The following CNTNAP2 variants were observed in gnomAD, a reference collection of about 807,000 sequenced individuals.
CNTNAP2 encodes the protein contactin associated protein 2, also known as contactin-associated protein-like 2.
In CNTNAP2, 98 loss-of-function variants were observed where a neutral mutation model predicts 155.2. The observed-to-expected ratio is 0.63, with a 90% CI of 0.54 to 0.75. CNTNAP2 has a LOEUF of 0.75. Among genes scored for constraint, CNTNAP2 ranks in the 30% least tolerant of loss-of-function variants. The pLI, the probability that CNTNAP2 is intolerant of heterozygous loss-of-function variation, is 0.00. For missense variants in CNTNAP2, 1,727 were observed against 1,688.1 expected (o/e 1.02, Z -0.40); for synonymous variants, 651 against 631.2 (o/e 1.03, Z -0.47).
chr7:148,041,937 A>G (rs1021307589), intron 15 of CNTNAP2, among the ~76,000 whole-genome samples: 9 of 152,202 alleles, frequency 5.9e-5, no homozygotes, highest in Non-Finnish European at 1.0e-4. Context: ...GGCATTCTGG[A>G]GTGAGCTGCA....
chr7:146,159,218 C>T (rs1350227017), intron 1 of CNTNAP2, among the ~76,000 whole-genome samples: 1 of 152,174 alleles, frequency 6.6e-6, no homozygotes, highest in Admixed American at 6.5e-5. Flanking sequence ...CCAGGCCTGC[C>T]TTACAAGAGC....
intron 2 of CNTNAP2, among the ~76,000 whole-genome samples, chr7:146,824,841 T>G (rs1201966396): frequency 1.4e-5 from 2 of 146,424 alleles, no homozygotes; most frequent in South Asian, 2.2e-4. Flanking sequence ...CTTATTAAGG[T>G]GTACAAAGAA....
intron 21 of CNTNAP2, among the ~76,000 whole-genome samples, chr7:148,281,331 A>T (rs1796970821): frequency 6.6e-6 from 1 of 152,234 alleles, no homozygotes; most frequent in Non-Finnish European, 1.5e-5. Flanking sequence ...CTTGTGATTT[A>T]TCTCTACCTC....
intron 1 of CNTNAP2, among the ~76,000 whole-genome samples, chr7:146,334,895 A>G (rs113350567): frequency 0.03 from 4,591 of 152,194 alleles, 232 homozygotes; most frequent in African/African-American, 0.1. Context: ...CACCTTTTCT[A>G]TTCTTGCACC....
intron 11 of CNTNAP2, among the ~76,000 whole-genome samples, chr7:147,517,888 C>A (rs1487279980): frequency 6.6e-6 from 1 of 152,144 alleles, no homozygotes; most frequent in Non-Finnish European, 1.5e-5. Context: ...TAAGAACCAT[C>A]CATTGCGTCA....
intron 12 of CNTNAP2, among the ~76,000 whole-genome samples, chr7:147,615,277 C>CAAAAA (rs58247626): frequency 5.7e-4 from 16 of 28,048 alleles, no homozygotes; most frequent in Admixed American, 7.8e-4. Flanking sequence ...GACCCTGTCT[C>CAAAAA]AAAAAAAAAA....
intron 9 of CNTNAP2, among the ~76,000 whole-genome samples, chr7:147,348,275 C>A: frequency 6.6e-6 from 1 of 151,082 alleles, no homozygotes; most frequent in Non-Finnish European, 1.5e-5. Flanking sequence ...GATTAATATC[C>A]AGAATATACA....
chr7:147,547,589 G>A (rs1799762961), intron 11 of CNTNAP2, among the ~76,000 whole-genome samples: 1 of 151,102 alleles, frequency 6.6e-6, no homozygotes, highest in South Asian at 2.1e-4. Context: ...CTTTGTTTTT[G>A]TTTTTATTTT....
intron 20 of CNTNAP2, among the ~76,000 whole-genome samples, chr7:148,256,632 C>G (rs938258304): frequency 1.9e-4 from 29 of 152,260 alleles, no homozygotes; most frequent in Middle Eastern, 3.4e-3. Flanking sequence ...TTTTTGCCTT[C>G]TCACAGTCAG....
At chr7:148,354,102 G>A (rs1798472040) in intron 21 of CNTNAP2, among the ~76,000 whole-genome samples, 1 of 150,604 alleles carries the variant, frequency 6.6e-6, no homozygotes, top group Non-Finnish European at 1.5e-5. Flanking sequence ...ATAACTGCCT[G>A]TACAATTTAA....
At chr7:146,757,014 C>T (rs1802006268) in intron 1 of CNTNAP2, among the ~76,000 whole-genome samples, 1 of 152,024 alleles carries the variant, frequency 6.6e-6, no homozygotes. Flanking sequence ...ATCATGATGC[C>T]AAATTCCCTT....
intron 13 of CNTNAP2, among the ~76,000 whole-genome samples, chr7:147,752,415 A>T (rs1797150256): frequency 1.3e-5 from 2 of 152,170 alleles, no homozygotes; most frequent in South Asian, 4.1e-4. Context: ...GAACGAGTTG[A>T]ATAGTGACAG....
chr7:148,221,876 C>T (rs1795752319), intron 19 of CNTNAP2, among the ~76,000 whole-genome samples: 1 of 152,214 alleles, frequency 6.6e-6, no homozygotes, highest in South Asian at 2.1e-4. Flanking sequence ...GTGTCCTTTT[C>T]CTCCCCACCA....
At chr7:147,242,987 A>ATTTTT (rs766917054) in intron 8 of CNTNAP2, among the ~76,000 whole-genome samples, 3,008 of 47,002 alleles carry the variant, frequency 0.064, 750 homozygotes, top group Middle Eastern at 0.1. Context: ...TATGCTTTGC[A>ATTTTT]TTTTTTTTTT....
At chr7:146,596,623 GA>G (rs1798864373) in intron 1 of CNTNAP2, among the ~76,000 whole-genome samples, 1 of 149,022 alleles carries the variant, frequency 6.7e-6, no homozygotes, top group Non-Finnish European at 1.5e-5. Context: ...GAGAGAGAGA[GA>G]GAGAGAGAGA....
chr7:146,194,554 G>A (rs536101746), intron 1 of CNTNAP2, among the ~76,000 whole-genome samples: 14 of 152,286 alleles, frequency 9.2e-5, no homozygotes, highest in African/African-American at 3.4e-4. Context: ...AATTATGGGA[G>A]CTACAATTCA....
At chr7:146,251,041 G>T (rs1799748392) in intron 1 of CNTNAP2, among the ~76,000 whole-genome samples, 1 of 152,126 alleles carries the variant, frequency 6.6e-6, no homozygotes, top group South Asian at 2.1e-4. Flanking sequence ...TTGGTTAATA[G>T]ACCCTTTCTT....
intron 2 of CNTNAP2, among the ~76,000 whole-genome samples, chr7:146,784,736 A>G (rs982562477): frequency 6.6e-6 from 1 of 152,166 alleles, no homozygotes; most frequent in Non-Finnish European, 1.5e-5. Flanking sequence ...TAGCCAAGAA[A>G]GATCATAATT....
intron 15 of CNTNAP2, among the ~76,000 whole-genome samples, chr7:148,040,856 A>G (rs754830124): frequency 4.6e-5 from 6 of 130,594 alleles, no homozygotes; most frequent in Non-Finnish European, 8.3e-5. Flanking sequence ...TTTTTTTAAG[A>G]GGCAGCTGGG....
Sources: allele counts gnomAD v4.1 joint callset (sites outside exome capture counted in the v4.1 genomes callset), GRCh38; gene constraint gnomAD v4.1.1; transcripts MANE v1.5; gene names NCBI Gene and HGNC (gene_info 2026-07-23, HGNC 2026-07-21).